KCNV1: variants seen among roughly 807,000 people sequenced by gnomAD.
KCNV1 encodes the protein potassium voltage-gated channel modifier subfamily V member 1, also known as potassium voltage-gated channel subfamily V member 1.
KCNV1 carries 2 observed loss-of-function variants against 36.4 expected under a neutral mutation model. The ratio of observed to expected loss-of-function variants is 0.05; its 90% CI spans 0.02 to 0.17. The LOEUF is 0.17. Among genes scored for constraint, KCNV1 ranks in the 10% least tolerant of loss-of-function variants. KCNV1 has a pLI of 1.00. For synonymous variants in KCNV1, 280 were observed against 261.1 expected (o/e 1.07, Z -0.70); for missense variants, 321 against 643.6 (o/e 0.50, Z 5.42).
Position 109,973,870 on chromosome 8 carries a change from CCT to C in KCNV1, c.461+56_461+57del, listed in dbSNP as rs1820043908. 6.4e-6 allele frequency: 8 copies of C among 1,240,996 alleles called. No homozygotes were observed. In the Admixed American group the frequency reaches 1.4e-4, roughly 22 times the overall value. The allele number at this position is 1,240,996 out of a possible 1,614,324, so 76.9% of individuals were successfully genotyped here. A position where few individuals can be genotyped will look rare whatever the true frequency, so the allele number is the denominator to read the frequency against. ...AAAGCCTCAAATCTACCTGTGCCTT[CCT>C]CTCTTTCTCTGCCGCGCCCGCCTCC... is the stretch of plus-strand genomic sequence containing the variant. On this transcript the variant is annotated intron_variant, in intron 2 of 3. Transcript: ENST00000524391.
Position 109,967,035 on chromosome 8 carries a change from A to C in KCNV1, c.*1053T>G, listed in dbSNP as rs1819951686. 1 of 152,178 alleles carries C rather than the reference A, an allele frequency of 6.6e-6. No homozygotes were observed. 9.4% of individuals were successfully genotyped at this position (152,178 alleles called of 1,614,324 possible). A position where few individuals can be genotyped will look rare whatever the true frequency, so the allele number is the denominator to read the frequency against. On this transcript the variant is annotated 3_prime_UTR_variant, in exon 4 of 4. Transcript: ENST00000524391. ...TTAGAGGTTTTGGCTTTAATTATAT[A>C]ATACAATGTCTAGGAATTGTGTTGT...
chr8:109,970,565 A>G lies in KCNV1; in HGVS notation c.991+1693T>C, dbSNP rs371722222. On this transcript the variant is annotated intron_variant, in intron 3 of 3. Transcript: ENST00000524391. Reference sequence around the variant, plus strand: ...AAACCTAGTTTCTGGCCAAAAACCCATTATCCTATAACATCTCTCAATTTG... The same window carrying G: ...AAACCTAGTTTCTGGCCAAAAACCCGTTATCCTATAACATCTCTCAATTTG... Among the ~76,000 whole-genome samples, 12 of 152,306 alleles carry G rather than the reference A, an allele frequency of 7.9e-5. No homozygotes were observed. The East Asian group carries it at 2.3e-3, about 29-fold the overall frequency.
chr8:109,974,702 C>A lies in KCNV1; in HGVS notation c.-314G>T. 2.6e-6 allele frequency: 1 copy of A among 388,652 alleles called. No homozygotes were observed. Among genetic ancestry groups the A allele is most frequent in the Non-Finnish European group, 4.6e-6 (1 of 216,010 alleles). The allele number at this position is 388,652 out of a possible 1,614,324, so 24.1% of individuals were successfully genotyped here. ...CACAGTCCCTGTGCACACTGCCGGTCGCCCTGGCCCTTCCCAAACGTTGTC... is the reference window on the plus strand; with the variant it reads ...CACAGTCCCTGTGCACACTGCCGGTAGCCCTGGCCCTTCCCAAACGTTGTC... On this transcript the variant is annotated 5_prime_UTR_variant, in exon 2 of 4. Coordinates refer to ENST00000524391, the MANE Select transcript of KCNV1 (RefSeq NM_014379.4). This position sits in a 1 kb window ranked among gnomAD's most constrained non-coding sequence, Gnocchi z 6.2.
At chr8:109,970,432 A>C (rs1819996194) in intron 3 of KCNV1, among the ~76,000 whole-genome samples, 1 of 152,200 alleles carries the variant, frequency 6.6e-6, no homozygotes, top group Non-Finnish European at 1.5e-5. Context: ...GAATCTTCAA[A>C]AGAAAGGATA....
In KCNV1 at chr8:109,972,205, A is replaced by G. The variant is rs1464468776; in HGVS notation, c.991+53T>C. ...ACTTTCCTTGTACTGTGGTCAAAAA[A>G]CGAATGCTTACATGCAATGGCAAAT... On this transcript the variant is annotated intron_variant, in intron 3 of 3. Coordinates refer to ENST00000524391, the MANE Select transcript of KCNV1 (RefSeq NM_014379.4). This position sits in a 1 kb window ranked among gnomAD's most constrained non-coding sequence, Gnocchi z 5.2. 1.3e-6 allele frequency: 2 copies of G among 1,516,254 alleles called. No individual in the cohort carries two copies. The highest frequency in any genetic ancestry group is 1.8e-6 in the Non-Finnish European group (2 of 1,129,720). 93.9% of individuals were successfully genotyped at this position (1,516,254 alleles called of 1,614,324 possible).
chr8:109,972,394 G>A lies in KCNV1; in HGVS notation c.855C>T (p.Pro285=), dbSNP rs1820022494. The A allele has an allele frequency of 1.9e-6, 3 of 1,614,010 alleles. No individual in the cohort carries two copies. Among genetic ancestry groups the A allele is most frequent in the Non-Finnish European group, 2.5e-6 (3 of 1,180,040 alleles). The change falls in exon 3 of 4, where the codon CCC becomes CCT. Residue 285 remains proline, a synonymous_variant. Transcript: ENST00000524391. This position sits in a 1 kb window ranked among gnomAD's most constrained non-coding sequence, Gnocchi z 5.2. ...PNIIDLLAIL[P]FYITLLVESL... The stretch of plus-strand genomic sequence containing the variant: ...TCTCTACCAGAAGAGTGATGTAGAA[G>A]GGCAAGATGGCAAGGAGGTCTATGA...
At position 109,967,699 on chromosome 8, in the gene KCNV1, C is replaced by T. The variant is rs1819959340; in HGVS notation, c.*389G>A. The T allele has an allele frequency of 6.0e-6, 1 of 165,766 alleles. No individual in the cohort carries two copies. The highest frequency in any genetic ancestry group is 5.8e-5 in the Admixed American group (1 of 17,302). The allele number at this position is 165,766 out of a possible 1,614,324, so 10.3% of individuals were successfully genotyped here. ...AATATGTTCTTAAATATTTACTTAT[C>T]TTTCTCTGGGCTATGCAGTTTACCT... On this transcript the variant is annotated 3_prime_UTR_variant, in exon 4 of 4. Transcript: ENST00000524391.
At chr8:109,970,506 G>T (rs1006830541) in intron 3 of KCNV1, among the ~76,000 whole-genome samples, 7 of 152,130 alleles carry the variant, frequency 4.6e-5, no homozygotes, top group African/African-American at 1.7e-4. Flanking sequence ...TAAAGAGATA[G>T]CTTATCTAGT....
Position 109,972,049 on chromosome 8 carries a change from A to C in KCNV1, c.991+209T>G, listed in dbSNP as rs1271320681. Among the ~76,000 whole-genome samples the C allele has an allele frequency of 6.6e-6, 1 of 152,164 alleles. No homozygotes were observed. Among genetic ancestry groups the C allele is most frequent in the African/African-American group, 2.4e-5 (1 of 41,434 alleles). ...GTCTCTCAACATTTCTCTTATGGAGAGGAGGTATGTGAGAGCTCATTTCTC... is the reference window on the plus strand; with the variant it reads ...GTCTCTCAACATTTCTCTTATGGAGCGGAGGTATGTGAGAGCTCATTTCTC... On this transcript the variant is annotated intron_variant, in intron 3 of 3. Coordinates refer to ENST00000524391, the MANE Select transcript of KCNV1 (RefSeq NM_014379.4). This position sits in a 1 kb window ranked among gnomAD's most constrained non-coding sequence, Gnocchi z 5.2.
chr8:109,970,937 A>G (rs1226626113), intron 3 of KCNV1, among the ~76,000 whole-genome samples: 1 of 152,218 alleles, frequency 6.6e-6, no homozygotes, highest in Non-Finnish European at 1.5e-5. Context: ...CCCATTATCA[A>G]ATTCCTGGTA....
intron 3 of KCNV1, among the ~76,000 whole-genome samples, chr8:109,969,188 C>T (rs984435720): frequency 6.6e-6 from 1 of 152,146 alleles, no homozygotes; most frequent in African/African-American, 2.4e-5. Context: ...GCAAGTTAGG[C>T]ATTGGTGATA....
intron 3 of KCNV1, among the ~76,000 whole-genome samples, chr8:109,971,383 G>A (rs1214020313): frequency 6.6e-6 from 1 of 152,006 alleles, no homozygotes; most frequent in Non-Finnish European, 1.5e-5. Flanking sequence ...ATGTCATAAG[G>A]AAACTCATAT....
chr8:109,969,609 G>A (rs149253105), intron 3 of KCNV1, among the ~76,000 whole-genome samples: 18 of 152,210 alleles, frequency 1.2e-4, no homozygotes, highest in Non-Finnish European at 2.4e-4. Flanking sequence ...CACTTTGGGA[G>A]GCTGAGGCAG....
chr8:109,973,196 G>T (rs997665648), intron 2 of KCNV1, among the ~76,000 whole-genome samples: 5 of 151,930 alleles, frequency 3.3e-5, no homozygotes, highest in African/African-American at 4.8e-5. Context: ...GTCCAGGGGG[G>T]GTCTCGAACT....
At chr8:109,970,273 G>A (rs1383173917) in intron 3 of KCNV1, among the ~76,000 whole-genome samples, 1 of 152,128 alleles carries the variant, frequency 6.6e-6, no homozygotes, top group African/African-American at 2.4e-5. Context: ...ATGGAATTAT[G>A]TTCCTTAAAT....
In KCNV1 at chr8:109,974,842, G is replaced by A; in HGVS notation, c.-454C>T. On this transcript the variant is annotated 5_prime_UTR_variant, in exon 2 of 4. Coordinates refer to ENST00000524391, the MANE Select transcript of KCNV1 (RefSeq NM_014379.4). The surrounding 1 kb of genome is among the most constrained non-coding windows in gnomAD (Gnocchi z 6.2). ...GAAGGGAGGAAGGAGGGAGATGTGGGGCGGAGGAGGAGGAAGAGGAGAGAA... is the reference window on the plus strand; with the variant it reads ...GAAGGGAGGAAGGAGGGAGATGTGGAGCGGAGGAGGAGGAAGAGGAGAGAA... 1 of 177,720 alleles carries A rather than the reference G, an allele frequency of 5.6e-6. No individual in the cohort carries two copies. Among genetic ancestry groups the A allele is most frequent in the Non-Finnish European group, 1.2e-5 (1 of 84,084 alleles). The allele number at this position is 177,720 out of a possible 1,614,324, so 11.0% of individuals were successfully genotyped here. A position where few individuals can be genotyped will look rare whatever the true frequency, so the allele number is the denominator to read the frequency against.
rs1819924198 is a variant in KCNV1, at chr8:109,964,608, C to A, written c.*3480G>T. 6.6e-6 allele frequency: 1 copy of A among 152,198 alleles called. No homozygotes were observed. Among genetic ancestry groups the A allele is most frequent in the South Asian group, 2.1e-4 (1 of 4,834 alleles). The allele number at this position is 152,198 out of a possible 1,614,324, so 9.4% of individuals were successfully genotyped here. On this transcript the variant is annotated 3_prime_UTR_variant, in exon 4 of 4. Transcript: ENST00000524391. ...TGGAATAAACCTAAATGCCCATCAA[C>A]TGTAGACTGGATAAAGAAAATGTAT...
In KCNV1 at chr8:109,972,212, C is replaced by A. The variant is rs1257656028; in HGVS notation, c.991+46G>T. Reference sequence around the variant, plus strand: ...TTGTACTGTGGTCAAAAAACGAATGCTTACATGCAATGGCAAATTAAAAGG... The same window carrying A: ...TTGTACTGTGGTCAAAAAACGAATGATTACATGCAATGGCAAATTAAAAGG... On this transcript the variant is annotated intron_variant, in intron 3 of 3. Transcript: ENST00000524391. This position sits in a 1 kb window ranked among gnomAD's most constrained non-coding sequence, Gnocchi z 5.2. 2 of 1,528,462 alleles carry A rather than the reference C, an allele frequency of 1.3e-6. No individual in the cohort carries two copies. The highest frequency in any genetic ancestry group is 2.8e-5 in the African/African-American group (2 of 72,118). 94.7% of individuals were successfully genotyped at this position (1,528,462 alleles called of 1,614,324 possible). A position where few individuals can be genotyped will look rare whatever the true frequency, so the allele number is the denominator to read the frequency against.
chr8:109,971,631 C>T (rs1820012267), intron 3 of KCNV1, among the ~76,000 whole-genome samples: 1 of 151,926 alleles, frequency 6.6e-6, no homozygotes, highest in African/African-American at 2.4e-5. Flanking sequence ...CTCTCTCATA[C>T]ATCCCAGGTT....
Sources: allele counts gnomAD v4.1 joint callset (sites outside exome capture counted in the v4.1 genomes callset), GRCh38; gene constraint gnomAD v4.1.1; non-coding constraint Gnocchi (gnomAD v3.1); transcripts MANE v1.5; gene names NCBI Gene and HGNC (gene_info 2026-07-23, HGNC 2026-07-21).